The following MYT1 variants were observed in gnomAD, a reference collection of about 807,000 sequenced individuals.
MYT1 encodes myelin transcription factor 1.
In MYT1, 23 loss-of-function variants were observed where a neutral mutation model predicts 123.0. The observed-to-expected ratio is 0.19, with a 90% CI of 0.13 to 0.26. MYT1 has a LOEUF of 0.26. Ranked by LOEUF, MYT1 falls within the 10% of genes least tolerant of loss-of-function variation. MYT1 has a pLI of 1.00. For synonymous variants in MYT1, 518 were observed against 575.3 expected (o/e 0.90, Z 1.43); for missense variants, 1,125 against 1,472.5 (o/e 0.76, Z 3.86).
In MYT1 at chr20:64,221,114, C is replaced by T. The variant is rs559825203; in HGVS notation, c.2242-779C>T. 6.7e-4 allele frequency among the ~76,000 whole-genome samples: 102 copies of T among 152,310 alleles called. 1 individual carries two copies. Among genetic ancestry groups the T allele is most frequent in the African/African-American group, 2.4e-3 (100 of 41,568 alleles). ...TTCACGGGCATTTCCTCATTTGACC[C>T]CCAAAAACCTTTGAGGGGCTGCTGT... On this transcript the variant is annotated intron_variant, in intron 13 of 22. Coordinates refer to ENST00000328439, the MANE Select transcript of MYT1 (RefSeq NM_004535.3).
Position 64,219,895 on chromosome 20 carries a change from G to T in MYT1, c.2154G>T (p.Gln718His). The T allele has an allele frequency of 6.3e-7, 1 of 1,575,808 alleles. No individual in the cohort carries two copies. Among genetic ancestry groups the T allele is most frequent in the Non-Finnish European group, 8.6e-7 (1 of 1,161,088 alleles). Residue 718 changes from glutamine (Q) to histidine (H), a missense_variant, in exon 13 of 23, where the codon CAG becomes CAT. Gln to His is a conservative substitution (Grantham distance 24). This residue lies in a region of MYT1 where 429 missense variants were observed against 604.1 expected (regional missense o/e 0.71). Coordinates refer to ENST00000328439, the MANE Select transcript of MYT1 (RefSeq NM_004535.3). ...SAPSSSMTSP[Q>H]SSQASRQDEW... is the part of the protein sequence containing the mutation. The stretch of plus-strand genomic sequence containing the variant: ...CCAGCAGCTCCATGACCTCTCCCCA[G>T]TCCAGCCAGGCCTCCCGCCAGGACG...
intron 2 of MYT1, 29 bp from the exon 3 acceptor site, chr20:64,198,833 T>G (rs1260097782): frequency 6.2e-7 from 1 of 1,613,984 alleles, no homozygotes; most frequent in South Asian, 1.1e-5. Flanking sequence ...CTGGGTTTTC[T>G]TGTTAACGTC....
chr20:64,194,318 C>T (rs1366551687), intron 2 of MYT1, among the ~76,000 whole-genome samples: 1 of 152,206 alleles, frequency 6.6e-6, no homozygotes, highest in Non-Finnish European at 1.5e-5. Context: ...CCTCCCACCC[C>T]AGATGTCCTC....
chr20:64,201,141 G>A (rs1157608223), intron 4 of MYT1, among the ~76,000 whole-genome samples: 2 of 152,226 alleles, frequency 1.3e-5, no homozygotes, highest in Non-Finnish European at 2.9e-5. Context: ...GAAACTCCAG[G>A]CTTTTTTGGT....
chr20:64,209,960 T>C (rs1983617237), intron 7 of MYT1, among the ~76,000 whole-genome samples: 1 of 152,162 alleles, frequency 6.6e-6, no homozygotes. Context: ...GCTCCGGCCT[T>C]GTGGGGCCAT....
Position 64,202,074 on chromosome 20 carries a change from G to GTCGGGAAC in MYT1, c.86+2152_86+2153insTCGGGAAC, listed in dbSNP as rs1555812043. ...CTCTGCGTGTCGGGAACCCCTGTGT[G>GTCGGGAAC]CAGGACTTTCTCTGTGGATGACTTA... On this transcript the variant is annotated intron_variant, in intron 4 of 22. Transcript: ENST00000328439. This position sits in a 1 kb window ranked among gnomAD's most constrained non-coding sequence, Gnocchi z 5.0. Among the ~76,000 whole-genome samples the GTCGGGAAC allele has an allele frequency of 6.6e-6, 1 of 151,934 alleles. No individual in the cohort carries two copies. Among genetic ancestry groups the GTCGGGAAC allele is most frequent in the African/African-American group, 2.4e-5 (1 of 41,342 alleles).
At position 64,196,967 on chromosome 20, in the gene MYT1, C is replaced by T. The variant is rs1034763346; in HGVS notation, c.1-1895C>T. Among the ~76,000 whole-genome samples the T allele has an allele frequency of 3.9e-5, 6 of 152,208 alleles. No homozygotes were observed. Among genetic ancestry groups the T allele is most frequent in the Non-Finnish European group, 7.3e-5 (5 of 68,034 alleles). On this transcript the variant is annotated intron_variant, in intron 2 of 22. Coordinates refer to ENST00000328439, the MANE Select transcript of MYT1 (RefSeq NM_004535.3). The surrounding 1 kb of genome is among the most constrained non-coding windows in gnomAD (Gnocchi z 4.3). ...ACAAGTCCCATTGTACGTCCTGCATCGGAAGGCATTGCACACGGGCTCAGA... is the reference window on the plus strand; with the variant it reads ...ACAAGTCCCATTGTACGTCCTGCATTGGAAGGCATTGCACACGGGCTCAGA...
chr20:64,174,016 T>C (rs351887), intron 1 of MYT1, among the ~76,000 whole-genome samples: 2 of 7,022 alleles, frequency 2.8e-4, no homozygotes, highest in African/African-American at 1.4e-3. Flanking sequence ...TGTGTCCATT[T>C]CCCCTCCCTG....
Position 64,186,834 on chromosome 20 carries a change from C to T in MYT1, c.-98-3229C>T, listed in dbSNP as rs1454313655. ...CCTGTGGCCCCGGCATCCACGTTTC[C>T]GTGGAGAGTTTCCTGTAGCACGTGG... On this transcript the variant is annotated intron_variant, in intron 1 of 22. Transcript: ENST00000328439. This position sits in a 1 kb window ranked among gnomAD's most constrained non-coding sequence, Gnocchi z 4.3. 4.0e-5 allele frequency among the ~76,000 whole-genome samples: 6 copies of T among 149,806 alleles called. No homozygotes were observed. Among genetic ancestry groups the T allele is most frequent in the South Asian group, 2.1e-4 (1 of 4,720 alleles).
Position 64,232,085 on chromosome 20 carries a change from G to C in MYT1, c.2676-79G>C, listed in dbSNP as rs1984336223. The C allele has an allele frequency of 1.4e-6, 2 of 1,461,748 alleles. No homozygotes were observed. Among genetic ancestry groups the C allele is most frequent in the South Asian group, 1.2e-5 (1 of 85,942 alleles). The allele number at this position is 1,461,748 out of a possible 1,614,324, so 90.5% of individuals were successfully genotyped here. A position where few individuals can be genotyped will look rare whatever the true frequency, so the allele number is the denominator to read the frequency against. On this transcript the variant is annotated intron_variant, in intron 18 of 22. Transcript: ENST00000328439. This position sits in a 1 kb window ranked among gnomAD's most constrained non-coding sequence, Gnocchi z 6.9. ...AACGGCTCTGAGTTGGGCTCCCCTT[G>C]TGTCTGGCTTGAGAGAGTCTCCAGG... is the stretch of plus-strand genomic sequence containing the variant.
chr20:64,194,183 G>A (rs894041546), intron 2 of MYT1, among the ~76,000 whole-genome samples: 10 of 152,216 alleles, frequency 6.6e-5, no homozygotes, highest in African/African-American at 2.4e-4. Flanking sequence ...GAATGAATGA[G>A]CTCATTTCAG....
rs918300007 is a variant in MYT1, at chr20:64,191,201, C to G, written c.-1+1041C>G. 1.3e-5 allele frequency among the ~76,000 whole-genome samples: 2 copies of G among 152,198 alleles called. No individual in the cohort carries two copies. The highest frequency in any genetic ancestry group is 4.8e-5 in the African/African-American group (2 of 41,438). On this transcript the variant is annotated intron_variant, in intron 2 of 22. Transcript: ENST00000328439. The surrounding 1 kb of genome is among the most constrained non-coding windows in gnomAD (Gnocchi z 4.1). ...TCTGTTGGCCTTGTTTTATTTCGAT[C>G]TTCCTAAGGGGAGGCAGATGGTGCA...
chr20:64,232,143 C>A lies in MYT1; in HGVS notation c.2676-21C>A. On this transcript the variant is annotated intron_variant, in intron 18 of 22. Transcript: ENST00000328439. The surrounding 1 kb of genome is among the most constrained non-coding windows in gnomAD (Gnocchi z 6.9). ...TCCCAACCCTTCGCCCCTGTACTCA[C>A]CCCGGCCTCTCTGTACCCAGGTGCC... is the stretch of plus-strand genomic sequence containing the variant. The A allele has an allele frequency of 6.2e-7, 1 of 1,611,402 alleles. No individual in the cohort carries two copies. Among genetic ancestry groups the A allele is most frequent in the South Asian group, 1.1e-5 (1 of 91,048 alleles).
chr20:64,232,394 GC>G lies in MYT1; in HGVS notation c.2897+11del. On this transcript the variant is annotated intron_variant, in intron 19 of 22. Transcript: ENST00000328439. This position sits in a 1 kb window ranked among gnomAD's most constrained non-coding sequence, Gnocchi z 6.9. ...TTCCTCACCCACCGGAGGTAACTGT[GC>G]CTGCAGGTCCTGCCCCTCTGTGCAG... The G allele has an allele frequency of 6.2e-7, 1 of 1,612,556 alleles. No individual in the cohort carries two copies. Among genetic ancestry groups the G allele is most frequent in the East Asian group, 2.2e-5 (1 of 44,890 alleles).
chr20:64,238,897 G>A (rs956823948), intron 21 of MYT1, among the ~76,000 whole-genome samples: 6 of 152,306 alleles, frequency 3.9e-5, no homozygotes, highest in Middle Eastern at 3.4e-3. Context: ...TGCCCTCTGC[G>A]GAAGGGCAAA....
At chr20:64,201,914 C>CT (rs1315542340) in intron 4 of MYT1, among the ~76,000 whole-genome samples, 2 of 134,260 alleles carry the variant, frequency 1.5e-5, no homozygotes, top group African/African-American at 2.7e-5. Flanking sequence ...TCGGGAACCC[C>CT]CGCGTGTCGG....
intron 16 of MYT1, among the ~76,000 whole-genome samples, chr20:64,224,331 G>T (rs1656203298): frequency 6.6e-6 from 1 of 152,206 alleles, no homozygotes; most frequent in Admixed American, 6.5e-5. Flanking sequence ...GGGCACTGGT[G>T]CCTCTAAGAT....
At chr20:64,194,509 C>T (rs1983049384) in intron 2 of MYT1, among the ~76,000 whole-genome samples, 1 of 152,260 alleles carries the variant, frequency 6.6e-6, no homozygotes, top group Non-Finnish European at 1.5e-5. Context: ...AGGACACCCT[C>T]CTGCTGGGGC....
chr20:64,222,811 T>C (rs1317687810), intron 14 of MYT1, among the ~76,000 whole-genome samples: 5 of 152,214 alleles, frequency 3.3e-5, no homozygotes. Flanking sequence ...GGGAAGGAGC[T>C]CCTCTGCCTA....
Sources: gnomAD v4.1 joint callset for allele counts (sites outside exome capture counted in the v4.1 genomes callset) on GRCh38, gnomAD v4.1.1 for gene constraint, gnomAD v4.1.1 regional missense constraint, Gnocchi (gnomAD v3.1) non-coding constraint, MANE v1.5 for transcripts, NCBI Gene and HGNC (gene_info 2026-07-23, HGNC 2026-07-21) for gene names.